The following TSPAN5 variants were observed in gnomAD, a reference collection of about 807,000 sequenced individuals.
TSPAN5 encodes the protein tetraspanin-5.
In TSPAN5, 10 loss-of-function variants were observed where a neutral mutation model predicts 37.1. The ratio of observed to expected loss-of-function variants is 0.27; its 90% CI spans 0.17 to 0.46. The LOEUF is 0.46. TSPAN5 is among the 20% of genes least tolerant of loss of function. TSPAN5 has a pLI of 1.00. For synonymous variants in TSPAN5, 110 were observed against 118.9 expected (o/e 0.93, Z 0.48); for missense variants, 195 against 326.6 (o/e 0.60, Z 3.11).
intron 1 of TSPAN5, among the ~76,000 whole-genome samples, chr4:98,588,764 CT>C (rs1755555846): frequency 1.3e-5 from 2 of 152,218 alleles, no homozygotes; most frequent in African/African-American, 4.8e-5. Flanking sequence ...TCTACAATAA[CT>C]TGTGTGTGGC....
chr4:98,575,506 T>C (rs1579003237), intron 1 of TSPAN5, among the ~76,000 whole-genome samples: 2 of 145,898 alleles, frequency 1.4e-5, no homozygotes, highest in South Asian at 4.4e-4. Context: ...TCCCCAGCTC[T>C]TTCTGCTGAT....
At chr4:98,615,459 T>C (rs896669305) in intron 1 of TSPAN5, among the ~76,000 whole-genome samples, 2 of 152,252 alleles carry the variant, frequency 1.3e-5, no homozygotes, top group Non-Finnish European at 2.9e-5. Context: ...TCATTATTTC[T>C]AGATTCTCAA....
At position 98,658,238 on chromosome 4, in the gene TSPAN5, A is replaced by G; in HGVS notation, c.-12T>C. 1 of 1,612,180 alleles carries G rather than the reference A, an allele frequency of 6.2e-7. No individual in the cohort carries two copies. Among genetic ancestry groups the G allele is most frequent in the Non-Finnish European group, 8.5e-7 (1 of 1,178,238 alleles). ...TGCTTCCCGGACATCCTCTGGGTTC[A>G]TGAAGACACTTGCCCCGGCAGCCCG... On this transcript the variant is annotated 5_prime_UTR_variant, in exon 1 of 8. It removes an upstream start codon present in the reference 5' UTR. Coordinates refer to ENST00000305798, the MANE Select transcript of TSPAN5 (RefSeq NM_005723.4).
chr4:98,657,086 A>C (rs895765878), intron 1 of TSPAN5, among the ~76,000 whole-genome samples: 1 of 152,150 alleles, frequency 6.6e-6, no homozygotes, highest in Non-Finnish European at 1.5e-5. Context: ...GAGGAAGAGG[A>C]TGAGATGGGA....
chr4:98,605,010 C>T (rs549320251), intron 1 of TSPAN5, among the ~76,000 whole-genome samples: 12 of 152,296 alleles, frequency 7.9e-5, no homozygotes, highest in African/African-American at 2.2e-4. Context: ...ACTCGCTCTA[C>T]ATTTTAAATT....
intron 1 of TSPAN5, among the ~76,000 whole-genome samples, chr4:98,534,923 G>A (rs1366512197): frequency 2.0e-5 from 3 of 152,152 alleles, no homozygotes; most frequent in African/African-American, 4.8e-5. Context: ...GCCTATGTGT[G>A]TCTTTGCATG....
At chr4:98,551,579 C>A (rs1442709191) in intron 1 of TSPAN5, among the ~76,000 whole-genome samples, 1 of 150,342 alleles carries the variant, frequency 6.7e-6, no homozygotes, top group African/African-American at 2.5e-5. Context: ...GCAACCTCCG[C>A]CTCCCGGGTT....
At chr4:98,555,636 G>A (rs1754724845) in intron 1 of TSPAN5, among the ~76,000 whole-genome samples, 2 of 151,992 alleles carry the variant, frequency 1.3e-5, no homozygotes, top group Admixed American at 1.3e-4. Flanking sequence ...AAAAAAAATT[G>A]GCTGTATGAA....
intron 1 of TSPAN5, among the ~76,000 whole-genome samples, chr4:98,527,796 C>T (rs1450965282): frequency 1.3e-5 from 2 of 152,102 alleles, no homozygotes; most frequent in African/African-American, 4.8e-5. Flanking sequence ...GATGTCATCA[C>T]TAGAGGCAGC....
At chr4:98,587,618 A>G (rs1383119410) in intron 1 of TSPAN5, among the ~76,000 whole-genome samples, 4 of 152,148 alleles carry the variant, frequency 2.6e-5, no homozygotes, top group African/African-American at 7.2e-5. Flanking sequence ...GGCCGGGCGC[A>G]GTGGCTCATG....
intron 7 of TSPAN5, among the ~76,000 whole-genome samples, chr4:98,473,457 T>A (rs1326820962): frequency 1.3e-5 from 2 of 151,024 alleles, no homozygotes; most frequent in Non-Finnish European, 3.0e-5. Flanking sequence ...TAGCCATTTT[T>A]TTTTTTTTTT....
rs1464930119 is a variant in TSPAN5, at chr4:98,482,063, ATGT to A, written c.389_391del (p.Asn130del). 6.2e-7 allele frequency: 1 copy of A among 1,614,144 alleles called. No individual in the cohort carries two copies. Among genetic ancestry groups the A allele is most frequent in the Non-Finnish European group, 8.5e-7 (1 of 1,180,012 alleles). On this transcript the variant is annotated inframe_deletion, in exon 4 of 8. Transcript: ENST00000305798. ...ATCAATGTCATCCCGATATGCTCTG[ATGT>A]TGTTGTTTATAAAGAAATACAGCTG...
At chr4:98,494,696 C>T (rs1453993306) in intron 2 of TSPAN5, among the ~76,000 whole-genome samples, 1 of 151,898 alleles carries the variant, frequency 6.6e-6, no homozygotes, top group East Asian at 1.9e-4. Context: ...GAAGAAGACA[C>T]CAGACACTGT....
chr4:98,604,375 T>C (rs2110224622), intron 1 of TSPAN5, among the ~76,000 whole-genome samples: 1 of 152,332 alleles, frequency 6.6e-6, no homozygotes, highest in East Asian at 1.9e-4. Flanking sequence ...AGCAGATTCT[T>C]ACACTGAAAA....
intron 2 of TSPAN5, among the ~76,000 whole-genome samples, chr4:98,490,832 G>T (rs189335977): frequency 6.6e-6 from 1 of 152,048 alleles, no homozygotes. Flanking sequence ...AGGCCGAGGC[G>T]GGCAGATCAC....
chr4:98,558,783 C>G (rs1319325180), intron 1 of TSPAN5, among the ~76,000 whole-genome samples: 3 of 152,196 alleles, frequency 2.0e-5, no homozygotes, highest in Non-Finnish European at 4.4e-5. Flanking sequence ...TGTGGGCAAG[C>G]TGACCTACTG....
intron 2 of TSPAN5, among the ~76,000 whole-genome samples, chr4:98,494,354 G>A (rs2110272487): frequency 6.6e-6 from 1 of 152,058 alleles, no homozygotes; most frequent in East Asian, 2.0e-4. Flanking sequence ...CAATGGGGGA[G>A]ACAGACAAAC....
At chr4:98,502,234 T>A (rs1753369541) in intron 2 of TSPAN5, among the ~76,000 whole-genome samples, 1 of 152,204 alleles carries the variant, frequency 6.6e-6, no homozygotes, top group Non-Finnish European at 1.5e-5. Context: ...ATGCTGGCTA[T>A]GCAAGTCTAG....
intron 1 of TSPAN5, among the ~76,000 whole-genome samples, chr4:98,582,339 G>A (rs2110196570): frequency 6.6e-6 from 1 of 152,340 alleles, no homozygotes; most frequent in East Asian, 1.9e-4. Flanking sequence ...CCAGAGGACA[G>A]CAGCTCAGAC....
Sources: gnomAD v4.1 joint callset for allele counts (sites outside exome capture counted in the v4.1 genomes callset) on GRCh38, gnomAD v4.1.1 for gene constraint, MANE v1.5 for transcripts, NCBI Gene and HGNC (gene_info 2026-07-23, HGNC 2026-07-21) for gene names.